The following TENM4 variants were observed in gnomAD, a reference collection of about 807,000 sequenced individuals.
TENM4 encodes teneurin transmembrane protein 4.
A neutral mutation model predicts 243.3 loss-of-function variants in TENM4; 82 were observed. That is an observed-to-expected ratio of 0.34 (90% CI 0.28 to 0.40). The LOEUF (loss-of-function observed/expected upper bound fraction) is 0.40. Ranked by LOEUF, TENM4 falls within the 10% of genes least tolerant of loss-of-function variation. TENM4 has a pLI of 1.00. For synonymous variants in TENM4, 1,412 were observed against 1,456.3 expected, an observed-to-expected ratio of 0.97 and a Z score of 0.69; for missense variants, 3,138 against 3,673.3, an observed-to-expected ratio of 0.85 and a Z score of 3.77.
intron 1 of TENM4, among the ~76,000 whole-genome samples, chr11:79,381,593 A>T (rs958438342): frequency 8.1e-5 from 12 of 148,818 alleles, no homozygotes; most frequent in Admixed American, 2.0e-4. Context: ...TGAGCAGCCC[A>T]TCTAGTGTGC....
At chr11:79,291,959 A>C (rs368395446) in intron 2 of TENM4, among the ~76,000 whole-genome samples, 32 of 152,274 alleles carry the variant, frequency 2.1e-4, no homozygotes, top group South Asian at 1.0e-3. Context: ...TGCTGGCAGG[A>C]GTCAGGGATC....
At chr11:78,782,088 T>C (rs1257695012) in intron 16 of TENM4, among the ~76,000 whole-genome samples, 3 of 152,242 alleles carry the variant, frequency 2.0e-5, no homozygotes, top group Admixed American at 6.5e-5. Flanking sequence ...CAGGGTCCTA[T>C]ACCTCATGAG....
chr11:79,230,009 T>C (rs559485174), intron 2 of TENM4, among the ~76,000 whole-genome samples: 1,540 of 151,876 alleles, frequency 0.01, 24 homozygotes, highest in African/African-American at 0.036. Flanking sequence ...TTTTTTTTTT[T>C]TTTTGTAGTA....
intron 2 of TENM4, among the ~76,000 whole-genome samples, chr11:79,264,365 G>A (rs896746163): frequency 7.9e-5 from 12 of 152,288 alleles, no homozygotes; most frequent in Middle Eastern, 3.4e-3. Context: ...CTTTATTTAT[G>A]CAATTATAAG....
chr11:79,353,279 G>A (rs942267319), intron 1 of TENM4, among the ~76,000 whole-genome samples: 4 of 152,032 alleles, frequency 2.6e-5, no homozygotes, highest in African/African-American at 9.7e-5. Context: ...TTTTCTTTGG[G>A]GGGTTTTCCT....
chr11:79,415,456 G>T (rs1858792922), intron 1 of TENM4, among the ~76,000 whole-genome samples: 1 of 152,150 alleles, frequency 6.6e-6, no homozygotes, highest in Non-Finnish European at 1.5e-5. Context: ...ATCCACTATA[G>T]GTCAGACTCG....
intron 26 of TENM4, among the ~76,000 whole-genome samples, chr11:78,710,754 G>GTGCCTGCATA (rs1255608227): frequency 4.0e-4 from 61 of 152,304 alleles, no homozygotes; most frequent in Middle Eastern, 3.4e-3. Flanking sequence ...CTGCTGCAAA[G>GTGCCTGCATA]TGCCTGCATA....
chr11:79,028,581 G>A (rs930741199), intron 6 of TENM4, among the ~76,000 whole-genome samples: 10 of 152,182 alleles, frequency 6.6e-5, no homozygotes, highest in Non-Finnish European at 1.3e-4. Context: ...CTTTCACATG[G>A]AGGACTCACT....
intron 14 of TENM4, among the ~76,000 whole-genome samples, chr11:78,806,775 G>A (rs1857398576): frequency 6.6e-6 from 1 of 152,060 alleles, no homozygotes; most frequent in Admixed American, 6.5e-5. Context: ...GGATACTGTT[G>A]GGCAACCATC....
intron 6 of TENM4, among the ~76,000 whole-genome samples, chr11:79,038,998 T>C (rs1859452459): frequency 6.6e-6 from 1 of 152,232 alleles, no homozygotes; most frequent in African/African-American, 2.4e-5. Context: ...TTTAGCATGC[T>C]GAAGCAAGGG....
chr11:79,270,890 C>G (rs932063910), intron 2 of TENM4, among the ~76,000 whole-genome samples: 5 of 152,138 alleles, frequency 3.3e-5, no homozygotes, highest in African/African-American at 1.2e-4. Context: ...CACAGAAGAG[C>G]AAATCAGGTG....
intron 6 of TENM4, among the ~76,000 whole-genome samples, chr11:79,059,101 G>A (rs956923276): frequency 6.6e-6 from 1 of 152,212 alleles, no homozygotes; most frequent in East Asian, 1.9e-4. Context: ...CAATTTGGCT[G>A]CCTAATTAGG....
chr11:79,148,308 A>G (rs10454003), intron 4 of TENM4, among the ~76,000 whole-genome samples: 83,369 of 151,906 alleles, frequency 0.55, 23,738 homozygotes, highest in African/African-American at 0.7. Context: ...ACGTGGAGTG[A>G]ATTTCAAGTC....
At chr11:79,200,923 T>C (rs1369566193) in intron 3 of TENM4, among the ~76,000 whole-genome samples, 1 of 152,198 alleles carries the variant, frequency 6.6e-6, no homozygotes, top group East Asian at 1.9e-4. Context: ...TGTCAGACCT[T>C]GTTTAATCAG....
At chr11:78,960,479 C>T (rs1857296027) in intron 6 of TENM4, among the ~76,000 whole-genome samples, 1 of 152,176 alleles carries the variant, frequency 6.6e-6, no homozygotes, top group African/African-American at 2.4e-5. Context: ...AGGTGACTTT[C>T]ACCACATGGC....
At chr11:79,420,689 G>A (rs555208987) in intron 1 of TENM4, among the ~76,000 whole-genome samples, 1 of 151,790 alleles carries the variant, frequency 6.6e-6, no homozygotes, top group East Asian at 1.9e-4. Context: ...TTTTTGGGGG[G>A]TGGGGGATGG....
chr11:78,797,516 C>A (rs1390364346), intron 15 of TENM4, among the ~76,000 whole-genome samples: 4 of 152,210 alleles, frequency 2.6e-5, no homozygotes, highest in African/African-American at 9.7e-5. Flanking sequence ...GAAAACGTTC[C>A]AGGGCTGTCA....
At chr11:79,412,374 G>A (rs900273524) in intron 1 of TENM4, among the ~76,000 whole-genome samples, 13 of 152,276 alleles carry the variant, frequency 8.5e-5, no homozygotes, top group South Asian at 2.1e-4. Flanking sequence ...GACAGCCCTC[G>A]TAAGACAGTT....
intron 12 of TENM4, among the ~76,000 whole-genome samples, chr11:78,823,284 T>A (rs1011753138): frequency 1.3e-5 from 2 of 152,172 alleles, no homozygotes; most frequent in Non-Finnish European, 2.9e-5. Context: ...GTGGCCCAGG[T>A]GCAAGAGACA....
Sources: gnomAD v4.1 joint callset for allele counts (sites outside exome capture counted in the v4.1 genomes callset) on GRCh38, gnomAD v4.1.1 for gene constraint, MANE v1.5 for transcripts, NCBI Gene and HGNC (gene_info 2026-07-23, HGNC 2026-07-21) for gene names.